Variants in KIF26B observed in about 807,000 individuals in gnomAD.
The protein encoded by KIF26B is kinesin family member 26B, also known as kinesin-like protein KIF26B.
KIF26B carries 63 observed loss-of-function variants against 151.2 expected under a neutral mutation model. The ratio of observed to expected loss-of-function variants is 0.42; its 90% CI spans 0.34 to 0.51. KIF26B has a LOEUF of 0.51. Ranked by LOEUF, KIF26B falls within the 20% of genes least tolerant of loss-of-function variation. KIF26B has a pLI of 0.07. For missense variants in KIF26B, 2,813 were observed against 2,913.6 expected (o/e 0.97, Z 0.79); for synonymous variants, 1,357 against 1,262.1 (o/e 1.08, Z -1.59).
At chr1:245,272,596 C>T (rs1670872460) in intron 2 of KIF26B, among the ~76,000 whole-genome samples, 1 of 150,932 alleles carries the variant, frequency 6.6e-6, no homozygotes, top group Non-Finnish European at 1.5e-5. Context: ...TTTCTAGTTT[C>T]TTCAGTTATA....
intron 4 of KIF26B, among the ~76,000 whole-genome samples, chr1:245,434,530 T>C (rs796795958): frequency 1.3e-5 from 2 of 152,140 alleles, no homozygotes; most frequent in South Asian, 4.1e-4. Flanking sequence ...CCCCCACTCC[T>C]TGCCACCTCA....
At chr1:245,413,864 C>T (rs1228872080) in intron 3 of KIF26B, among the ~76,000 whole-genome samples, 2 of 152,192 alleles carry the variant, frequency 1.3e-5, no homozygotes, top group Non-Finnish European at 2.9e-5. Flanking sequence ...GAAGCCACCT[C>T]AGCCGAATGG....
At chr1:245,287,882 G>T (rs2102971650) in intron 2 of KIF26B, among the ~76,000 whole-genome samples, 1 of 151,980 alleles carries the variant, frequency 6.6e-6, no homozygotes, top group South Asian at 2.1e-4. Context: ...TCATTGAAAA[G>T]TGACAACTCC....
At chr1:245,316,175 T>C (rs1291068971) in intron 2 of KIF26B, among the ~76,000 whole-genome samples, 1 of 151,910 alleles carries the variant, frequency 6.6e-6, no homozygotes. Context: ...TCATTCTTGT[T>C]GCCCAGGATA....
At chr1:245,652,634 G>A (rs1232392095) in intron 10 of KIF26B, among the ~76,000 whole-genome samples, 1 of 152,128 alleles carries the variant, frequency 6.6e-6, no homozygotes, top group Non-Finnish European at 1.5e-5. Context: ...AGTCACTCAG[G>A]GAGAAATGAC....
chr1:245,385,909 G>A (rs10082158), intron 3 of KIF26B, among the ~76,000 whole-genome samples: 1,530 of 152,308 alleles, frequency 0.01, 26 homozygotes, highest in African/African-American at 0.035. Flanking sequence ...TTGGTTGGAT[G>A]TGGGAAAAGA....
At chr1:245,490,998 ACAGT>A (rs776511030) in intron 4 of KIF26B, among the ~76,000 whole-genome samples, 1 of 152,218 alleles carries the variant, frequency 6.6e-6, no homozygotes, top group Non-Finnish European at 1.5e-5. Context: ...TCAGAGCCTC[ACAGT>A]GCTTCATTTT....
chr1:245,260,556 C>T lies in KIF26B; in HGVS notation c.465+103873C>T, dbSNP rs117388056. ...AACATGTTTAATACATGCATTTCAA[C>T]GAGGCCTATAGGATTAACAACTTTG... On this transcript the variant is annotated intron_variant, in intron 2 of 14. Transcript: ENST00000407071. Among the ~76,000 whole-genome samples, 957 of 152,290 alleles carry T rather than the reference C, an allele frequency of 6.3e-3. 10 individuals carry two copies. The East Asian group carries it at 0.07, about 11-fold the overall frequency.
chr1:245,169,104 C>T (rs1668661241), intron 2 of KIF26B, among the ~76,000 whole-genome samples: 1 of 152,086 alleles, frequency 6.6e-6, no homozygotes. Context: ...CAGAGGAGCA[C>T]GAGCCCCAGG....
chr1:245,541,262 G>A lies in KIF26B; in HGVS notation c.1350+312G>A, dbSNP rs543948122. On this transcript the variant is annotated intron_variant, in intron 5 of 14. Transcript: ENST00000407071. Reference sequence around the variant, plus strand: ...ACAAAATATCGAGGCAGGGGCAGGAGACCGAGGGAGGCCACAGCACAAGGT... The same window carrying A: ...ACAAAATATCGAGGCAGGGGCAGGAAACCGAGGGAGGCCACAGCACAAGGT... 2.6e-4 allele frequency among the ~76,000 whole-genome samples: 40 copies of A among 152,280 alleles called. 1 individual carries two copies. In the South Asian group the frequency reaches 3.9e-3, roughly 15 times the overall value.
intron 3 of KIF26B, among the ~76,000 whole-genome samples, chr1:245,398,336 G>GACGGAGGTGT (rs1276590845): frequency 6.6e-6 from 1 of 152,134 alleles, no homozygotes; most frequent in African/African-American, 2.4e-5. Flanking sequence ...GGCTGCCTGC[G>GACGGAGGTGT]ACGGAGGTGT....
intron 2 of KIF26B, among the ~76,000 whole-genome samples, chr1:245,231,878 C>G (rs1016508709): frequency 2.0e-5 from 3 of 152,178 alleles, no homozygotes; most frequent in Non-Finnish European, 4.4e-5. Flanking sequence ...TAAATCCAGC[C>G]CATCTGTCTT....
chr1:245,544,758 G>A (rs1294915567), intron 5 of KIF26B, among the ~76,000 whole-genome samples: 2 of 152,166 alleles, frequency 1.3e-5, no homozygotes, highest in Non-Finnish European at 2.9e-5. Flanking sequence ...TTGTCCAGTG[G>A]GGAAAGACAT....
chr1:245,274,972 C>T (rs1255358431), intron 2 of KIF26B, among the ~76,000 whole-genome samples: 2 of 152,232 alleles, frequency 1.3e-5, no homozygotes, highest in East Asian at 3.8e-4. Flanking sequence ...TTCTTCACAT[C>T]CTCTCCAGCA....
chr1:245,637,037 G>A (rs1011384427), intron 9 of KIF26B, among the ~76,000 whole-genome samples: 3 of 152,068 alleles, frequency 2.0e-5, no homozygotes, highest in African/African-American at 7.2e-5. Context: ...ATACTCAGCA[G>A]TGGGATTGCT....
At chr1:245,303,268 G>C (rs1031134117) in intron 2 of KIF26B, among the ~76,000 whole-genome samples, 2 of 141,128 alleles carry the variant, frequency 1.4e-5, no homozygotes, top group Admixed American at 7.5e-5. Flanking sequence ...GCGCGATCTC[G>C]GCTCACTGCA....
At chr1:245,389,627 G>T in intron 3 of KIF26B, among the ~76,000 whole-genome samples, 1 of 152,166 alleles carries the variant, frequency 6.6e-6, no homozygotes, top group East Asian at 1.9e-4. Flanking sequence ...AAAAGATATT[G>T]TCCTCCCTTG....
intron 4 of KIF26B, among the ~76,000 whole-genome samples, chr1:245,457,082 G>A (rs1659549800): frequency 6.6e-6 from 1 of 152,096 alleles, no homozygotes; most frequent in Non-Finnish European, 1.5e-5. Flanking sequence ...GCCAGGCTGG[G>A]CTCGAACTCC....
rs1669701296 is a variant in KIF26B, at chr1:245,218,809, T to G, written c.465+62126T>G. On this transcript the variant is annotated intron_variant, in intron 2 of 14. Transcript: ENST00000407071. This position sits in a 1 kb window ranked among gnomAD's most constrained non-coding sequence, Gnocchi z 4.1. ...GATGAGCCTTTTTAAAAAAGGGAGCTTGGGGCAGAATGAACCACTAAAAAG... is the reference window on the plus strand; with the variant it reads ...GATGAGCCTTTTTAAAAAAGGGAGCGTGGGGCAGAATGAACCACTAAAAAG... 6.6e-6 allele frequency among the ~76,000 whole-genome samples: 1 copy of G among 152,214 alleles called. No individual in the cohort carries two copies. Among genetic ancestry groups the G allele is most frequent in the Non-Finnish European group, 1.5e-5 (1 of 68,036 alleles).
Sources: allele counts gnomAD v4.1 joint callset (sites outside exome capture counted in the v4.1 genomes callset), GRCh38; gene constraint gnomAD v4.1.1; non-coding constraint Gnocchi (gnomAD v3.1); transcripts MANE v1.5; gene names NCBI Gene and HGNC (gene_info 2026-07-23, HGNC 2026-07-21).